The following AUTS2 variants were observed in gnomAD, a reference collection of about 807,000 sequenced individuals.
AUTS2 encodes autism susceptibility gene 2 protein.
In AUTS2, 17 loss-of-function variants were observed where a neutral mutation model predicts 112.4. The ratio of observed to expected loss-of-function variants is 0.15; its 90% CI spans 0.10 to 0.23. AUTS2 has a LOEUF of 0.23. AUTS2 is among the 10% of genes least tolerant of loss of function. The pLI, the probability that AUTS2 is intolerant of heterozygous loss-of-function variation, is 1.00. For missense variants in AUTS2, 1,510 were observed against 1,701.6 expected (o/e 0.89, Z 1.98); for synonymous variants, 751 against 702.7 (o/e 1.07, Z -1.09).
intron 5 of AUTS2, among the ~76,000 whole-genome samples, chr7:70,644,734 C>G (rs1209425407): frequency 6.6e-6 from 1 of 152,192 alleles, no homozygotes; most frequent in Non-Finnish European, 1.5e-5. Context: ...GAATCATCCC[C>G]TTTGAAAGTG....
intron 5 of AUTS2, among the ~76,000 whole-genome samples, chr7:70,565,135 T>A (rs1288654127): frequency 1.3e-5 from 2 of 152,098 alleles, no homozygotes; most frequent in Non-Finnish European, 2.9e-5. Context: ...GAACTCTACA[T>A]AGTAATAGTT....
chr7:70,649,395 C>CA (rs1216117689), intron 5 of AUTS2, among the ~76,000 whole-genome samples: 3 of 149,928 alleles, frequency 2.0e-5, no homozygotes, highest in East Asian at 2.0e-4. Flanking sequence ...GACCCTGTCT[C>CA]AAAAAAAATA....
At chr7:69,654,811 G>A (rs952374794) in intron 1 of AUTS2, among the ~76,000 whole-genome samples, 2 of 151,982 alleles carry the variant, frequency 1.3e-5, no homozygotes, top group Non-Finnish European at 2.9e-5. Flanking sequence ...TTTGATGATG[G>A]CAACTGTGTG....
At chr7:70,399,967 C>G (rs1336395596) in intron 4 of AUTS2, among the ~76,000 whole-genome samples, 1 of 152,152 alleles carries the variant, frequency 6.6e-6, no homozygotes, top group Non-Finnish European at 1.5e-5. Context: ...ACTAATAGAG[C>G]TTCTGTAATT....
chr7:70,058,420 A>G (rs2129560350), intron 2 of AUTS2, among the ~76,000 whole-genome samples: 1 of 152,322 alleles, frequency 6.6e-6, no homozygotes, highest in Non-Finnish European at 1.5e-5. Flanking sequence ...GAAATGGGAA[A>G]GTTAGGTTTC....
At chr7:70,147,363 G>A (rs1807183964) in intron 4 of AUTS2, among the ~76,000 whole-genome samples, 1 of 152,108 alleles carries the variant, frequency 6.6e-6, no homozygotes, top group African/African-American at 2.4e-5. Context: ...TTATAGATGA[G>A]GAATATTGAA....
chr7:70,551,472 A>G (rs938289002), intron 5 of AUTS2, among the ~76,000 whole-genome samples: 1 of 152,130 alleles, frequency 6.6e-6, no homozygotes, highest in Non-Finnish European at 1.5e-5. Context: ...AAACCTCTCA[A>G]CCCAGTCTTA....
chr7:70,718,040 T>C (rs560512958), intron 6 of AUTS2, among the ~76,000 whole-genome samples: 8 of 152,284 alleles, frequency 5.3e-5, no homozygotes, highest in South Asian at 2.1e-4. Context: ...TCTTGAAGCA[T>C]GTAGAGCATT....
At chr7:70,131,446 T>C (rs1363003385) in intron 3 of AUTS2, among the ~76,000 whole-genome samples, 1 of 152,138 alleles carries the variant, frequency 6.6e-6, no homozygotes, top group East Asian at 1.9e-4. Flanking sequence ...ATAGTTAGGG[T>C]ATTATCACCT....
At chr7:69,687,220 ATAAAAT>A (rs1204989272) in intron 1 of AUTS2, among the ~76,000 whole-genome samples, 2 of 152,256 alleles carry the variant, frequency 1.3e-5, no homozygotes, top group African/African-American at 2.4e-5. Context: ...ATTTCTAATG[ATAAAAT>A]TAAAGTAAGT....
intron 1 of AUTS2, among the ~76,000 whole-genome samples, chr7:69,739,947 A>G (rs996879059): frequency 6.6e-6 from 1 of 152,218 alleles, no homozygotes; most frequent in African/African-American, 2.4e-5. Flanking sequence ...TGTCACAACC[A>G]GCTAATGAAG....
At chr7:70,566,599 A>G (rs956857835) in intron 5 of AUTS2, among the ~76,000 whole-genome samples, 6 of 152,198 alleles carry the variant, frequency 3.9e-5, no homozygotes, top group African/African-American at 1.2e-4. Context: ...GTTCATTTAA[A>G]GGTTTAACTG....
chr7:70,034,604 G>A (rs780797941), intron 2 of AUTS2, among the ~76,000 whole-genome samples: 8 of 152,078 alleles, frequency 5.3e-5, no homozygotes, highest in African/African-American at 1.9e-4. Context: ...GTAATTCTAC[G>A]GTAAATTTGG....
rs374905025 is a variant in AUTS2 at position 70,143,661 on chromosome 7, C to T, written c.660+9090C>T. 3.3e-4 allele frequency among the ~76,000 whole-genome samples: 50 copies of T among 152,270 alleles called. No homozygotes were observed. In the South Asian group the frequency reaches 3.3e-3, roughly 10 times the overall value. ...GAATAAAAACAAACAAAAAACATTT[C>T]GGTCTCCATTGGCGACTCCCTGGTA... On this transcript the variant is annotated intron_variant, in intron 4 of 18. Coordinates refer to ENST00000342771, the MANE Select transcript of AUTS2 (RefSeq NM_015570.4).
chr7:70,774,766 CT>C (rs1378204319), intron 12 of AUTS2: 1 of 152,548 alleles, frequency 6.6e-6, no homozygotes, highest in Admixed American at 6.5e-5. Flanking sequence ...ACAATATTGT[CT>C]TTTTACCTAC....
At chr7:70,682,388 C>G (rs1027169464) in intron 5 of AUTS2, among the ~76,000 whole-genome samples, 21 of 152,324 alleles carry the variant, frequency 1.4e-4, no homozygotes, top group African/African-American at 5.1e-4. Flanking sequence ...TTTATTCTTT[C>G]ATTAAAATTG....
chr7:70,287,640 G>A (rs1051138603), intron 4 of AUTS2, among the ~76,000 whole-genome samples: 1 of 152,056 alleles, frequency 6.6e-6, no homozygotes, highest in Non-Finnish European at 1.5e-5. Context: ...CCTACAAGAG[G>A]TAGGGAGAAG....
intron 1 of AUTS2, among the ~76,000 whole-genome samples, chr7:69,846,699 G>T (rs1489773987): frequency 2.0e-5 from 3 of 152,126 alleles, no homozygotes; most frequent in Non-Finnish European, 4.4e-5. Flanking sequence ...TCAGCCTTCT[G>T]AGTAGCTGGG....
At chr7:69,678,500 C>T (rs1584055908) in intron 1 of AUTS2, among the ~76,000 whole-genome samples, 1 of 151,938 alleles carries the variant, frequency 6.6e-6, no homozygotes. Context: ...CTGTTGTGAG[C>T]GGAACAAAAA....
Sources: allele counts gnomAD v4.1 joint callset (sites outside exome capture counted in the v4.1 genomes callset), GRCh38; gene constraint gnomAD v4.1.1; transcripts MANE v1.5; gene names NCBI Gene and HGNC (gene_info 2026-07-23, HGNC 2026-07-21).